Variants in PDE3A observed in about 807,000 individuals in gnomAD.
The protein encoded by PDE3A is phosphodiesterase 3A.
A neutral mutation model predicts 98.3 loss-of-function variants in PDE3A; 43 were observed. The observed-to-expected ratio is 0.44, with a 90% CI of 0.34 to 0.56. The LOEUF (loss-of-function observed/expected upper bound fraction) is 0.56, where lower values mean the gene tolerates loss of function less well. PDE3A is among the 20% of genes least tolerant of loss of function. PDE3A has a pLI of 0.01. For missense variants in PDE3A, 1,427 were observed against 1,440.7 expected, an observed-to-expected ratio of 0.99 and a Z score of 0.15; for synonymous variants, 663 against 567.9, an observed-to-expected ratio of 1.17 and a Z score of -2.38.
Position 20,646,481 on chromosome 12 carries a change from TG to T in PDE3A, c.2252-7del, listed in dbSNP as rs780481394. 6.9e-7 allele frequency: 1 copy of T among 1,449,294 alleles called. No homozygotes were observed. The allele number at this position is 1,449,294 out of a possible 1,614,324, so 89.8% of individuals were successfully genotyped here. ...TAAACTGATGACTGTTCCTGTTCAC[TG>T]GTTACAGATCATAACAGAATCCATG... On this transcript the variant is annotated splice_region_variant and splice_polypyrimidine_tract_variant and intron_variant, in intron 10 of 15. Transcript: ENST00000359062.
intron 11 of PDE3A, 63 bp downstream of exon 11, chr12:20,646,666 GT>G (rs201571904): frequency 9.8e-6 from 14 of 1,421,678 alleles, no homozygotes; most frequent in African/African-American, 1.4e-5. Context: ...TTTTGTTTTT[GT>G]TTTTTTTCAA....
chr12:20,396,325 G>A (rs1329373560), intron 1 of PDE3A, among the ~76,000 whole-genome samples: 1 of 152,068 alleles, frequency 6.6e-6, no homozygotes, highest in African/African-American at 2.4e-5. Flanking sequence ...TTACTGGCAT[G>A]ATAAAGCTGG....
chr12:20,465,359 GTTAGAATGTTAATTCTCTAGGTAATT>G (rs1945323720), intron 1 of PDE3A, among the ~76,000 whole-genome samples: 1 of 152,032 alleles, frequency 6.6e-6, no homozygotes, highest in African/African-American at 2.4e-5. Context: ...ACTTACGTGT[GTTAGAATGTTAATTCTCTAGGTAATT>G]TTTAAAAATT....
chr12:20,616,972 A>T (rs1043148796), intron 4 of PDE3A, among the ~76,000 whole-genome samples: 1 of 152,120 alleles, frequency 6.6e-6, no homozygotes, highest in African/African-American at 2.4e-5. Flanking sequence ...TCTAAAAAGA[A>T]TCTTGAAGAA....
intron 2 of PDE3A, among the ~76,000 whole-genome samples, chr12:20,574,049 C>T (rs1942869546): frequency 6.6e-6 from 1 of 152,036 alleles, no homozygotes; most frequent in Admixed American, 6.6e-5. Context: ...CCATGCCAAA[C>T]CTATATAGCT....
At chr12:20,371,615 T>C (rs1447596438) in intron 1 of PDE3A, 1 of 177,988 alleles carries the variant, frequency 5.6e-6, no homozygotes, top group Admixed American at 6.5e-5. Context: ...TTGACATTAT[T>C]GAGCAGAGTA....
At chr12:20,548,099 C>T (rs1942101784) in intron 1 of PDE3A, among the ~76,000 whole-genome samples, 1 of 152,044 alleles carries the variant, frequency 6.6e-6, no homozygotes, top group Admixed American at 6.6e-5. Flanking sequence ...ATCAAAATGA[C>T]TTAGTGTCAA....
chr12:20,541,449 C>T (rs1256582099), intron 1 of PDE3A, among the ~76,000 whole-genome samples: 2 of 151,742 alleles, frequency 1.3e-5, no homozygotes, highest in Non-Finnish European at 2.9e-5. Flanking sequence ...TACAGTACAT[C>T]GCATTTGCTT....
In PDE3A at chr12:20,628,219, T is replaced by C. The variant is rs182462549; in HGVS notation, c.1541-1689T>C. On this transcript the variant is annotated intron_variant, in intron 5 of 15. Transcript: ENST00000359062. ...CATTAAATAATTCACAGCAAACTTA[T>C]AACCCACTTGCTGTGCAGAATCATA... is the stretch of plus-strand genomic sequence containing the variant. 1.4e-3 allele frequency among the ~76,000 whole-genome samples: 210 copies of C among 152,372 alleles called. 1 individual carries two copies. Among genetic ancestry groups the C allele is most frequent in the Middle Eastern group, 3.4e-3 (1 of 294 alleles).
intron 1 of PDE3A, among the ~76,000 whole-genome samples, chr12:20,406,209 T>A (rs559599170): frequency 6.6e-6 from 1 of 152,330 alleles, no homozygotes; most frequent in South Asian, 2.1e-4. Context: ...GGCAGATATC[T>A]CTGTGACATG....
intron 1 of PDE3A, among the ~76,000 whole-genome samples, chr12:20,420,400 A>C (rs974810673): frequency 7.2e-5 from 11 of 152,170 alleles, no homozygotes; most frequent in Non-Finnish European, 1.5e-4. Flanking sequence ...TTTTAACACA[A>C]GAATGGTCTG....
chr12:20,450,138 A>G, intron 1 of PDE3A: 1 of 394,722 alleles, frequency 2.5e-6, no homozygotes, highest in South Asian at 4.2e-5. Flanking sequence ...GCAGCCCAAC[A>G]TTGCCATTTA....
chr12:20,629,446 T>C (rs1191738871), intron 5 of PDE3A, among the ~76,000 whole-genome samples: 8 of 152,232 alleles, frequency 5.3e-5, no homozygotes, highest in Non-Finnish European at 1.0e-4. Flanking sequence ...ATTTACATAT[T>C]TTAAGCATCT....
chr12:20,372,683 A>C (rs1226161449), intron 1 of PDE3A, among the ~76,000 whole-genome samples: 1 of 152,144 alleles, frequency 6.6e-6, no homozygotes, highest in Non-Finnish European at 1.5e-5. Context: ...CAAACATCAA[A>C]ATAATTATAA....
Position 20,369,634 on chromosome 12 carries a change from G to A in PDE3A, c.350G>A (p.Gly117Glu). The change falls in exon 1 of 16, where the codon GGA (glycine) becomes GAA (glutamate). Residue 117 changes from glycine (G) to glutamate (E), a missense_variant. By Grantham distance (98) the Gly-to-Glu change is moderately conservative. Around this residue, in one of 3 missense-constraint regions of PDE3A, gnomAD observed 1,012 missense variants for 886.5 expected, o/e 1.14. Coordinates refer to ENST00000359062, the MANE Select transcript of PDE3A (RefSeq NM_000921.5). ...GGGGGCGTCTTCCCGGGGCCTCGGG[G>A]AGGTGCTCCCGGGGGCGGTGCGCGG... The part of the protein sequence containing the change: ...AEGGVFPGPR[G>E]GAPGGGARLS... 1.3e-6 allele frequency: 2 copies of A among 1,591,912 alleles called. No homozygotes were observed. Among genetic ancestry groups the A allele is most frequent in the East Asian group, 4.6e-5 (2 of 43,932 alleles).
rs201305813 is a variant in PDE3A at position 20,680,547 on chromosome 12, T to TA, written c.*277dup. The stretch of plus-strand genomic sequence containing the variant: ...GTGTGTATATAAGCTCCCACATAGA[T>TA]ACATGTAAAACATATTCACACCCAT... On this transcript the variant is annotated 3_prime_UTR_variant, in exon 16 of 16. Transcript: ENST00000359062. 0.011 allele frequency: 3,673 copies of TA among 342,640 alleles called. 44 individuals are homozygous for TA. The highest frequency in any genetic ancestry group is 0.014 in the Non-Finnish European group (2,516 of 185,066). The allele number at this position is 342,640 out of a possible 1,614,324, so 21.2% of individuals were successfully genotyped here.
intron 15 of PDE3A, among the ~76,000 whole-genome samples, chr12:20,665,495 G>A (rs926568033): frequency 2.6e-5 from 4 of 152,142 alleles, no homozygotes; most frequent in African/African-American, 4.8e-5. Context: ...ACGTGCTGAT[G>A]TATAAGATCT....
intron 1 of PDE3A, chr12:20,371,507 A>G (rs755547495): frequency 4.2e-6 from 4 of 960,476 alleles, no homozygotes; most frequent in Non-Finnish European, 5.0e-6. Flanking sequence ...TATTCTGTGG[A>G]TAATCATTTG....
In PDE3A at chr12:20,625,758, C is replaced by T. The variant is rs560720455; in HGVS notation, c.1541-4150C>T. ...GTGTCTTGACACACATTTTCTCATG[C>T]CCTCAGGAACAAGGAATTAAAGGCC... On this transcript the variant is annotated intron_variant, in intron 5 of 15. Coordinates refer to ENST00000359062, the MANE Select transcript of PDE3A (RefSeq NM_000921.5). 1.4e-4 allele frequency among the ~76,000 whole-genome samples: 22 copies of T among 152,238 alleles called. No individual in the cohort carries two copies. The South Asian group carries it at 4.6e-3, about 32-fold the overall frequency.
Sources: gnomAD v4.1 joint callset for allele counts (sites outside exome capture counted in the v4.1 genomes callset) on GRCh38, gnomAD v4.1.1 for gene constraint, gnomAD v4.1.1 regional missense constraint, MANE v1.5 for transcripts, NCBI Gene and HGNC (gene_info 2026-07-23, HGNC 2026-07-21) for gene names.